The following PRKCA variants were observed in gnomAD, a reference collection of about 807,000 sequenced individuals.
PRKCA encodes protein kinase C alpha type.
Under a neutral mutation model 87.0 loss-of-function variants are expected in PRKCA, and 27 were observed. The ratio of observed to expected loss-of-function variants is 0.31; its 90% CI spans 0.23 to 0.43. PRKCA has a LOEUF of 0.43. PRKCA is among the 20% of genes least tolerant of loss of function. The pLI is 1.00. For missense variants in PRKCA, 518 were observed against 852.3 expected (o/e 0.61, Z 4.88); for synonymous variants, 329 against 311.1 (o/e 1.06, Z -0.61).
At chr17:66,626,187 T>C (rs1970848249) in intron 3 of PRKCA, among the ~76,000 whole-genome samples, 1 of 151,316 alleles carries the variant, frequency 6.6e-6, no homozygotes, top group Non-Finnish European at 1.5e-5. Context: ...TCTTTTGTCT[T>C]CCTCTTTTTC....
chr17:66,626,000 C>T (rs1229130300), intron 3 of PRKCA, among the ~76,000 whole-genome samples: 1 of 152,176 alleles, frequency 6.6e-6, no homozygotes, highest in South Asian at 2.1e-4. Context: ...CCTCATTCCC[C>T]ACCACCACCA....
chr17:66,317,229 A>G (rs1411772307), intron 2 of PRKCA, among the ~76,000 whole-genome samples: 1 of 151,938 alleles, frequency 6.6e-6, no homozygotes, highest in Non-Finnish European at 1.5e-5. Flanking sequence ...CATGATCCGT[A>G]GTTTATTCCT....
intron 3 of PRKCA, among the ~76,000 whole-genome samples, chr17:66,551,639 C>T (rs1968334293): frequency 6.6e-6 from 1 of 152,070 alleles, no homozygotes; most frequent in Non-Finnish European, 1.5e-5. Flanking sequence ...AGCCCATACT[C>T]AAGGGGGGGA....
chr17:66,765,432 A>ATATATATC (rs1974783747), intron 13 of PRKCA, among the ~76,000 whole-genome samples: 2 of 131,188 alleles, frequency 1.5e-5, no homozygotes, highest in Middle Eastern at 3.8e-3. Context: ...ATATATATAT[A>ATATATATC]TATATATATA....
intron 16 of PRKCA, among the ~76,000 whole-genome samples, chr17:66,796,011 C>T (rs1229919930): frequency 6.6e-6 from 1 of 152,212 alleles, no homozygotes; most frequent in African/African-American, 2.4e-5. Flanking sequence ...TGCTGCAGTG[C>T]TGTAGGTGAG....
Position 66,321,763 on chromosome 17 carries a change from C to T in PRKCA, c.205+15636C>T, listed in dbSNP as rs186773482. 8.7e-3 allele frequency among the ~76,000 whole-genome samples: 1,331 copies of T among 152,204 alleles called. 26 individuals carry two copies. The highest frequency in any genetic ancestry group is 0.03 in the African/African-American group (1,257 of 41,528). ...TTTGCCATCTTGGCCAGGCTGATCT[C>T]GAACTCCTGACCTCGGGTGATCCAC... is the stretch of plus-strand genomic sequence containing the variant. On this transcript the variant is annotated intron_variant, in intron 2 of 16. Coordinates refer to ENST00000413366, the MANE Select transcript of PRKCA (RefSeq NM_002737.3).
At chr17:66,414,310 AGT>A (rs1305926952) in intron 2 of PRKCA, among the ~76,000 whole-genome samples, 3 of 152,108 alleles carry the variant, frequency 2.0e-5, no homozygotes, top group Admixed American at 6.6e-5. Flanking sequence ...GTCGTTTAAA[AGT>A]GTGTAGCACC....
chr17:66,442,388 C>T (rs1245364052), intron 2 of PRKCA, among the ~76,000 whole-genome samples: 1 of 152,068 alleles, frequency 6.6e-6, no homozygotes, highest in Non-Finnish European at 1.5e-5. Flanking sequence ...CCCCCAGCTC[C>T]TCACCTGGCC....
intron 2 of PRKCA, among the ~76,000 whole-genome samples, chr17:66,318,621 G>A (rs1450560637): frequency 1.3e-5 from 2 of 152,160 alleles, no homozygotes; most frequent in Non-Finnish European, 2.9e-5. Context: ...TTGGGAGGCC[G>A]AGGTGGGCAG....
chr17:66,604,002 G>A (rs77217186), intron 3 of PRKCA, among the ~76,000 whole-genome samples: 3,950 of 152,120 alleles, frequency 0.026, 154 homozygotes, highest in East Asian at 0.15. Context: ...GCCCTTTGTC[G>A]ATTCACTCAT....
intron 2 of PRKCA, among the ~76,000 whole-genome samples, chr17:66,485,749 G>A (rs1915966194): frequency 6.6e-6 from 1 of 152,116 alleles, no homozygotes; most frequent in South Asian, 2.1e-4. Context: ...CACTGAGGAG[G>A]CCTTGGACTG....
At chr17:66,343,922 G>A (rs1414811731) in intron 2 of PRKCA, among the ~76,000 whole-genome samples, 1 of 152,112 alleles carries the variant, frequency 6.6e-6, no homozygotes, top group African/African-American at 2.4e-5. Flanking sequence ...ACCATTGTAT[G>A]TTTTCAGTGA....
At chr17:66,709,667 T>C (rs914166843) in intron 8 of PRKCA, among the ~76,000 whole-genome samples, 7 of 151,208 alleles carry the variant, frequency 4.6e-5, no homozygotes, top group African/African-American at 1.5e-4. Context: ...AGGAAAGTTA[T>C]CCAGTTAAGA....
intron 13 of PRKCA, among the ~76,000 whole-genome samples, chr17:66,753,927 G>A (rs900678129): frequency 1.3e-5 from 2 of 152,162 alleles, no homozygotes; most frequent in Non-Finnish European, 2.9e-5. Flanking sequence ...AAGCCACCCA[G>A]TCTGTGGTGT....
rs948814020 is a variant in PRKCA at position 66,689,106 on chromosome 17, G to A, written c.918+59G>A. The A allele has an allele frequency of 7.4e-5, 82 of 1,103,048 alleles. No homozygotes were observed. Among genetic ancestry groups the A allele is most frequent in the Non-Finnish European group, 9.5e-5 (72 of 760,198 alleles). The allele number at this position is 1,103,048 out of a possible 1,614,324, so 68.3% of individuals were successfully genotyped here. A position where few individuals can be genotyped will look rare whatever the true frequency, so the allele number is the denominator to read the frequency against. ...CTTTAGAAAGCCCAACTTCAGGAAC[G>A]GCCGAGATGTTGTGGTCACATTTTT... On this transcript the variant is annotated intron_variant, in intron 8 of 16. Transcript: ENST00000413366. The surrounding 1 kb of genome is among the most constrained non-coding windows in gnomAD (Gnocchi z 4.1).
intron 2 of PRKCA, among the ~76,000 whole-genome samples, chr17:66,389,868 C>T (rs998581660): frequency 2.3e-4 from 35 of 152,338 alleles, no homozygotes; most frequent in South Asian, 6.2e-4. Flanking sequence ...AAAATGCACA[C>T]GAATAATGGC....
chr17:66,504,491 C>CT (rs1343301512), intron 3 of PRKCA, among the ~76,000 whole-genome samples: 2 of 152,064 alleles, frequency 1.3e-5, no homozygotes, highest in South Asian at 2.1e-4. Context: ...ACTTGGGAGA[C>CT]TGAGGCAGGA....
At chr17:66,718,207 AGGTGAGGTGTCT>A (rs1210311779) in intron 8 of PRKCA, among the ~76,000 whole-genome samples, 1 of 152,236 alleles carries the variant, frequency 6.6e-6, no homozygotes, top group Non-Finnish European at 1.5e-5. Flanking sequence ...AAATCAAGGC[AGGTGAGGTGTCT>A]GGTGAAGGCT....
chr17:66,437,385 G>T (rs1913452525), intron 2 of PRKCA, among the ~76,000 whole-genome samples: 1 of 152,110 alleles, frequency 6.6e-6, no homozygotes, highest in Non-Finnish European at 1.5e-5. Context: ...GAAACTTCCA[G>T]CATTTTGTTT....
Sources: allele counts gnomAD v4.1 joint callset (sites outside exome capture counted in the v4.1 genomes callset), GRCh38; gene constraint gnomAD v4.1.1; non-coding constraint Gnocchi (gnomAD v3.1); transcripts MANE v1.5; gene names NCBI Gene and HGNC (gene_info 2026-07-23, HGNC 2026-07-21).